Variants in GAPVD1 observed in about 807,000 individuals in gnomAD.
GAPVD1 encodes the protein GTPase-activating protein and VPS9 domain-containing protein 1.
A neutral mutation model predicts 155.5 loss-of-function variants in GAPVD1; 35 were observed. That is an observed-to-expected ratio of 0.23 (90% CI 0.17 to 0.30). The LOEUF is 0.30. GAPVD1 is among the 10% of genes least tolerant of loss of function. The pLI, the probability that GAPVD1 is intolerant of heterozygous loss-of-function variation, is 1.00. For missense variants in GAPVD1, 1,429 were observed against 1,775.7 expected, an observed-to-expected ratio of 0.80 and a Z score of 3.51; for synonymous variants, 636 against 619.7, an observed-to-expected ratio of 1.03 and a Z score of -0.39.
intron 22 of GAPVD1, 148 bp downstream of exon 22, chr9:125,350,552 T>G (rs1426152560): frequency 2.9e-6 from 2 of 696,630 alleles, no homozygotes; most frequent in Admixed American, 5.5e-5. Flanking sequence ...GGCACTTTGA[T>G]TACTGATGAT....
intron 17 of GAPVD1, among the ~76,000 whole-genome samples, chr9:125,339,942 TG>T (rs928097651): frequency 6.6e-6 from 1 of 152,180 alleles, no homozygotes; most frequent in Non-Finnish European, 1.5e-5. Flanking sequence ...TAGATGAAAA[TG>T]GAAATTAAGT....
At chr9:125,277,966 A>G (rs1264332880) in intron 2 of GAPVD1, among the ~76,000 whole-genome samples, 2 of 151,980 alleles carry the variant, frequency 1.3e-5, no homozygotes, top group East Asian at 3.9e-4. Context: ...CTGTACCTGA[A>G]CTTGTCAATT....
intron 2 of GAPVD1, among the ~76,000 whole-genome samples, chr9:125,289,947 A>G (rs1220854625): frequency 6.6e-6 from 1 of 152,352 alleles, no homozygotes; most frequent in East Asian, 1.9e-4. Flanking sequence ...GGAGAAGGAC[A>G]GGAGCAAACC....
chr9:125,356,111 A>T (rs965921642), intron 25 of GAPVD1, among the ~76,000 whole-genome samples: 2 of 152,214 alleles, frequency 1.3e-5, no homozygotes, highest in African/African-American at 2.4e-5. Context: ...CTCTGCCTTA[A>T]CTAATCTTCC....
intron 2 of GAPVD1, among the ~76,000 whole-genome samples, chr9:125,275,236 C>T (rs1232472048): frequency 2.0e-5 from 3 of 151,872 alleles, no homozygotes; most frequent in African/African-American, 7.3e-5. Flanking sequence ...CCACCATGCC[C>T]GGATAATTTT....
At chr9:125,356,996 G>C (rs1266076719) in intron 25 of GAPVD1, among the ~76,000 whole-genome samples, 3 of 152,008 alleles carry the variant, frequency 2.0e-5, no homozygotes, top group African/African-American at 4.8e-5. Context: ...TTGTAGAGAC[G>C]AGGTCTTGCT....
At chr9:125,276,653 C>T (rs1379223950) in intron 2 of GAPVD1, among the ~76,000 whole-genome samples, 1 of 152,206 alleles carries the variant, frequency 6.6e-6, no homozygotes, top group Non-Finnish European at 1.5e-5. Context: ...TGCACCATTG[C>T]ACTCTAGCCT....
chr9:125,353,397 T>TTCCATAC (rs1849582093), intron 23 of GAPVD1, among the ~76,000 whole-genome samples: 1 of 152,206 alleles, frequency 6.6e-6, no homozygotes, highest in South Asian at 2.1e-4. Context: ...CTCTAGGAAG[T>TTCCATAC]TCCATACTTT....
chr9:125,297,083 A>G lies in GAPVD1; in HGVS notation c.-33+1509A>G, dbSNP rs72767047. Among the ~76,000 whole-genome samples, 675 of 152,298 alleles carry G rather than the reference A, an allele frequency of 4.4e-3. 1 individual carries two copies. Among genetic ancestry groups the G allele is most frequent in the Non-Finnish European group, 6.3e-3 (432 of 68,032 alleles). On this transcript the variant is annotated intron_variant, in intron 3 of 27. Transcript: ENST00000297933. The stretch of plus-strand genomic sequence containing the variant: ...ATTTGTGATCTGGCACAAATTCTAG[A>G]TTCAAGGGCATAGCTTAAATAATAA...
intron 9 of GAPVD1, among the ~76,000 whole-genome samples, chr9:125,314,949 G>A (rs1282858848): frequency 3.3e-5 from 5 of 151,806 alleles, no homozygotes; most frequent in East Asian, 2.0e-4. Context: ...CACCACGCCC[G>A]GCTATTTTTT....
At chr9:125,334,824 C>G (rs761253545) in intron 15 of GAPVD1, among the ~76,000 whole-genome samples, 121 of 152,064 alleles carry the variant, frequency 8.0e-4, no homozygotes, top group Non-Finnish European at 1.4e-3. Flanking sequence ...ACAAAATGAT[C>G]CTGTTTCTTA....
In GAPVD1 at chr9:125,293,867, TA is replaced by T. The variant is rs1839242775; in HGVS notation, c.-149-1590del. Among the ~76,000 whole-genome samples, 6 of 18,214 alleles carry T rather than the reference TA, an allele frequency of 3.3e-4. No homozygotes were observed. In the Admixed American group the frequency reaches 3.9e-3, roughly 12 times the overall value. 11.9% of individuals were successfully genotyped at this position (18,214 alleles called of 152,430 possible). ...AAAATATATTTTATATATATATATATATATATATATATATATATATATATAT... is the reference window on the plus strand; with the variant it reads ...AAAATATATTTTATATATATATATATTATATATATATATATATATATATAT... On this transcript the variant is annotated intron_variant, in intron 2 of 27. Transcript: ENST00000297933.
At chr9:125,294,830 T>C (rs1184394117) in intron 2 of GAPVD1, among the ~76,000 whole-genome samples, 1 of 151,948 alleles carries the variant, frequency 6.6e-6, no homozygotes, top group African/African-American at 2.4e-5. Flanking sequence ...GGTATTTGGG[T>C]GTAAACTCAA....
intron 15 of GAPVD1, among the ~76,000 whole-genome samples, chr9:125,333,645 C>T (rs958256943): frequency 2.0e-5 from 3 of 151,940 alleles, no homozygotes; most frequent in Non-Finnish European, 4.4e-5. Flanking sequence ...TGTGCCACCA[C>T]GCCCAGCTAA....
intron 2 of GAPVD1, among the ~76,000 whole-genome samples, chr9:125,279,411 A>AT (rs1836355441): frequency 6.6e-6 from 1 of 151,756 alleles, no homozygotes. Context: ...CTCTACAAAA[A>AT]TACAAAAAAA....
rs1851230116 is a variant in GAPVD1, at chr9:125,363,637, T to C, written c.*891T>C. ...GTGGTTCTTCTCCTCCGAAATAATA[T>C]ACTGCAGAAATCCCAGACAGAGCTC... On this transcript the variant is annotated 3_prime_UTR_variant, in exon 28 of 28. Coordinates refer to ENST00000297933, the MANE Select transcript of GAPVD1 (RefSeq NM_001282680.3). The C allele has an allele frequency of 6.6e-6, 1 of 152,666 alleles. No individual in the cohort carries two copies. The highest frequency in any genetic ancestry group is 6.5e-5 in the Admixed American group (1 of 15,290). 9.5% of individuals were successfully genotyped at this position (152,666 alleles called of 1,614,324 possible). A position where few individuals can be genotyped will look rare whatever the true frequency, so the allele number is the denominator to read the frequency against.
At chr9:125,321,666 A>C in intron 10 of GAPVD1, 104 bp downstream of exon 10, 4 of 983,196 alleles carry the variant, frequency 4.1e-6, no homozygotes, top group South Asian at 3.3e-5. Flanking sequence ...TGTGCTTCTC[A>C]CTGAGGAGAC....
At chr9:125,300,222 C>G (rs1247351515) in intron 4 of GAPVD1, among the ~76,000 whole-genome samples, 1 of 147,110 alleles carries the variant, frequency 6.8e-6, no homozygotes. Context: ...CGCTCTGTCC[C>G]CCAGGCTGGA....
chr9:125,335,274 C>A (rs546270702), intron 15 of GAPVD1: 5 of 667,482 alleles, frequency 7.5e-6, no homozygotes, highest in Admixed American at 7.5e-5. Context: ...ATTAAAAATA[C>A]TTGCAAAAAA....
Sources: allele counts gnomAD v4.1 joint callset (sites outside exome capture counted in the v4.1 genomes callset), GRCh38; gene constraint gnomAD v4.1.1; transcripts MANE v1.5; gene names NCBI Gene and HGNC (gene_info 2026-07-23, HGNC 2026-07-21).